The following ASAP2 variants were observed in gnomAD, a reference collection of about 807,000 sequenced individuals.
The protein encoded by ASAP2 is ArfGAP with SH3 domain, ankyrin repeat and PH domain 2.
In ASAP2, 45 loss-of-function variants were observed where a neutral mutation model predicts 131.4. The ratio of observed to expected loss-of-function variants is 0.34; its 90% CI spans 0.27 to 0.44. ASAP2 has a LOEUF of 0.44. ASAP2 is among the 20% of genes least tolerant of loss of function. The probability of loss-of-function intolerance (pLI) is 1.00; values close to 1 mark genes in which losing one functional copy is unlikely to be tolerated. For missense variants in ASAP2, 1,011 were observed against 1,297.0 expected (o/e 0.78, Z 3.39); for synonymous variants, 510 against 503.0 (o/e 1.01, Z -0.19).
At chr2:9,235,338 G>A (rs1663473289) in intron 1 of ASAP2, among the ~76,000 whole-genome samples, 1 of 152,154 alleles carries the variant, frequency 6.6e-6, no homozygotes, top group South Asian at 2.1e-4. Flanking sequence ...TTAAGAGGTA[G>A]CCAAGGCAGC....
At position 9,249,941 on chromosome 2, in the gene ASAP2, C is replaced by T. The variant is rs147865638; in HGVS notation, c.127-29376C>T. On this transcript the variant is annotated intron_variant, in intron 1 of 27. Coordinates refer to ENST00000281419, the MANE Select transcript of ASAP2 (RefSeq NM_003887.3). ...GAACATTGGGCCACCGTCTCCTGCC[C>T]ATCAAAAGGCTACATGCCATGTGGA... 5.3e-3 allele frequency among the ~76,000 whole-genome samples: 812 copies of T among 152,330 alleles called. 9 individuals carry two copies. The highest frequency in any genetic ancestry group is 0.019 in the African/African-American group (780 of 41,568).
At chr2:9,338,058 C>T (rs578255164) in intron 9 of ASAP2, among the ~76,000 whole-genome samples, 7 of 152,344 alleles carry the variant, frequency 4.6e-5, no homozygotes, top group Admixed American at 2.6e-4. Context: ...CGCCTCCTGC[C>T]TTCCCCATCC....
In ASAP2 at chr2:9,318,881, G is replaced by C. The variant is rs76954072; in HGVS notation, c.420+283G>C. ...TATTTTGGAAAAAGTAAAGAGTTTC[G>C]GTCTCTCCAGGGAGCAGGGAAACCT... On this transcript the variant is annotated intron_variant, in intron 4 of 27. Coordinates refer to ENST00000281419, the MANE Select transcript of ASAP2 (RefSeq NM_003887.3). Among the ~76,000 whole-genome samples, 1,516 of 152,270 alleles carry C rather than the reference G, an allele frequency of 1.0e-2. 16 individuals are homozygous for C. Among genetic ancestry groups the C allele is most frequent in the South Asian group, 0.017 (83 of 4,818 alleles).
chr2:9,345,412 A>C (rs970865300), intron 11 of ASAP2, among the ~76,000 whole-genome samples: 2 of 152,166 alleles, frequency 1.3e-5, no homozygotes, highest in Non-Finnish European at 2.9e-5. Context: ...GTCAGGATAA[A>C]GTTCCTTACC....
At chr2:9,275,625 A>G (rs1405519508) in intron 1 of ASAP2, among the ~76,000 whole-genome samples, 1 of 152,078 alleles carries the variant, frequency 6.6e-6, no homozygotes, top group Non-Finnish European at 1.5e-5. Context: ...GCCCTGATCC[A>G]TTACCCTCCC....
At position 9,379,051 on chromosome 2, in the gene ASAP2, T is replaced by C; in HGVS notation, c.1940T>C (p.Ile647Thr). The change falls in exon 19 of 28, where the codon ATC becomes ACC. Residue 647 changes from isoleucine to threonine, a missense_variant. Physicochemically the swap from Ile to Thr is moderately conservative, Grantham distance 89. Around this residue, in one of 2 missense-constraint regions of ASAP2, gnomAD observed 652 missense variants for 698.9 expected, o/e 0.93. Transcript: ENST00000281419. The stretch of plus-strand genomic sequence containing the variant: ...TTGCTCCTGCGGGGGAAGGCCTCCA[T>C]CGAGATAGGTGAGTGGGCCCGGGCC... ...LKLLLRGKAS[I>T]EIANESGETP... is the part of the protein sequence containing the mutation. 1 of 1,560,156 alleles carries C rather than the reference T, an allele frequency of 6.4e-7. No homozygotes were observed. The highest frequency in any genetic ancestry group is 1.9e-5 in the Admixed American group (1 of 53,870).
chr2:9,349,821 G>A (rs1003652385), intron 11 of ASAP2, among the ~76,000 whole-genome samples: 2 of 152,202 alleles, frequency 1.3e-5, no homozygotes, highest in Non-Finnish European at 2.9e-5. Context: ...AGTGCTTGAG[G>A]GTTTCACAGG....
intron 2 of ASAP2, among the ~76,000 whole-genome samples, chr2:9,283,329 C>T (rs1301608329): frequency 6.6e-6 from 1 of 152,208 alleles, no homozygotes; most frequent in Non-Finnish European, 1.5e-5. Flanking sequence ...CCACCAGCCT[C>T]GGCCTCCCTG....
chr2:9,400,869 C>G, intron 26 of ASAP2, 39 bp downstream of exon 26: 1 of 1,582,048 alleles, frequency 6.3e-7, no homozygotes, highest in Non-Finnish European at 8.7e-7. Context: ...TCTGCTCTAG[C>G]CAGGGGGGTG....
intron 1 of ASAP2, among the ~76,000 whole-genome samples, chr2:9,209,474 T>C (rs978217498): frequency 2.6e-5 from 4 of 152,250 alleles, no homozygotes; most frequent in Non-Finnish European, 4.4e-5. Context: ...GAGGGTATCA[T>C]GACATAAAGT....
At chr2:9,312,503 T>C (rs1476038841) in intron 3 of ASAP2, among the ~76,000 whole-genome samples, 1 of 152,192 alleles carries the variant, frequency 6.6e-6, no homozygotes, top group African/African-American at 2.4e-5. Flanking sequence ...TGAAGGTCTG[T>C]CTCACATCCA....
intron 19 of ASAP2, among the ~76,000 whole-genome samples, chr2:9,379,984 C>T (rs1674701003): frequency 6.9e-6 from 1 of 145,042 alleles, no homozygotes; most frequent in Admixed American, 6.7e-5. Context: ...GAGCAAGACT[C>T]CATCTCAAAA....
intron 19 of ASAP2, among the ~76,000 whole-genome samples, chr2:9,379,760 C>T (rs939903932): frequency 6.6e-6 from 1 of 152,020 alleles, no homozygotes; most frequent in African/African-American, 2.4e-5. Context: ...AATTATAGGC[C>T]GGGTGCAGTG....
At chr2:9,365,710 C>T (rs1236096448) in intron 15 of ASAP2, among the ~76,000 whole-genome samples, 1 of 152,230 alleles carries the variant, frequency 6.6e-6, no homozygotes, top group Non-Finnish European at 1.5e-5. Context: ...CTCTGCTCAT[C>T]TGGGCCTGGT....
At chr2:9,334,873 C>G in intron 8 of ASAP2, 60 bp downstream of exon 8, 1 of 1,518,882 alleles carries the variant, frequency 6.6e-7, no homozygotes, top group Non-Finnish European at 9.1e-7. Flanking sequence ...ACATTTTCAT[C>G]TAAATGTCAC....
intron 8 of ASAP2, 92 bp from the exon 9 acceptor site, chr2:9,335,001 T>G: frequency 7.1e-7 from 1 of 1,400,580 alleles, no homozygotes; most frequent in Non-Finnish European, 1.0e-6. Context: ...AGTTGTCGCA[T>G]TGTGTGGAAA....
chr2:9,368,350 GATGGGGATGGGTA>G (rs1376440756), intron 15 of ASAP2, 62 bp from the exon 16 acceptor site: 3 of 1,327,682 alleles, frequency 2.3e-6, no homozygotes. Flanking sequence ...TAAATCATCA[GATGGGGATGGGTA>G]ATGTGTAGCA....
chr2:9,253,014 C>T (rs1415347858), intron 1 of ASAP2, among the ~76,000 whole-genome samples: 1 of 152,146 alleles, frequency 6.6e-6, no homozygotes, highest in Non-Finnish European at 1.5e-5. Context: ...TTGTTCACTG[C>T]AGCCCTCAAA....
At chr2:9,397,751 T>TATATATATATATATATA (rs1491228426) in intron 24 of ASAP2, among the ~76,000 whole-genome samples, 1 of 60,190 alleles carries the variant, frequency 1.7e-5, no homozygotes, top group African/African-American at 1.4e-4. Context: ...TATATATATA[T>TATATATATATATATATA]TTTTTTTTTT....
Sources: gnomAD v4.1 joint callset for allele counts (sites outside exome capture counted in the v4.1 genomes callset) on GRCh38, gnomAD v4.1.1 for gene constraint, gnomAD v4.1.1 regional missense constraint, MANE v1.5 for transcripts, NCBI Gene and HGNC (gene_info 2026-07-23, HGNC 2026-07-21) for gene names.